Variants in WDR59 observed in about 807,000 individuals in gnomAD.
WDR59 encodes the protein GATOR2 complex protein WDR59.
Under a neutral mutation model 131.2 loss-of-function variants are expected in WDR59, and 100 were observed. That is an observed-to-expected ratio of 0.76 (90% confidence interval 0.65 to 0.90). WDR59 has a LOEUF of 0.90. WDR59 is among the 40% of genes least tolerant of loss of function. The probability of loss-of-function intolerance (pLI) is 0.00; values close to 1 mark genes in which losing one functional copy is unlikely to be tolerated. For missense variants in WDR59, 1,203 were observed against 1,262.2 expected (o/e 0.95, Z 0.71); for synonymous variants, 601 against 466.2 (o/e 1.29, Z -3.72).
rs185676043 is a variant in WDR59 at position 74,880,314 on chromosome 16, G to A, written c.2689+5339C>T. Among the ~76,000 whole-genome samples the A allele has an allele frequency of 3.4e-4, 52 of 152,174 alleles. 2 individuals are homozygous for A. The highest frequency in any genetic ancestry group is 1.2e-3 in the African/African-American group (49 of 41,526). On this transcript the variant is annotated intron_variant, in intron 25 of 25. Coordinates refer to ENST00000262144, the MANE Select transcript of WDR59 (RefSeq NM_030581.4). ...TACAAAAAATTAGCCAGGAGTGGTG[G>A]CAGGCGCCTGTAGTCCCAGTTACTC...
chr16:74,886,177 C>CAAAAAAA (rs777732079), intron 24 of WDR59, 93 bp downstream of exon 24: 55 of 1,018,760 alleles, frequency 5.4e-5, no homozygotes, highest in South Asian at 1.2e-4. Context: ...ATTCTGTGTC[C>CAAAAAAA]AAAAAAAAAA....
intron 1 of WDR59, chr16:74,984,505 G>A (rs2034547980): frequency 5.1e-6 from 1 of 194,702 alleles, no homozygotes; most frequent in South Asian, 9.1e-5. Context: ...TAACCGCGTA[G>A]ACGCTGCAAC....
intron 22 of WDR59, 49 bp downstream of exon 22, chr16:74,888,117 CAAA>C (rs35324656): frequency 0.025 from 29,319 of 1,192,126 alleles, no homozygotes; most frequent in East Asian, 0.054. Flanking sequence ...AACTCCGTCT[CAAA>C]AAAAAAAAAA....
At chr16:74,936,610 G>A (rs923829634) in intron 8 of WDR59, among the ~76,000 whole-genome samples, 1 of 152,066 alleles carries the variant, frequency 6.6e-6, no homozygotes. Context: ...CGGATCACTT[G>A]AGGTTAGGAG....
At chr16:74,942,626 G>C (rs1233265828) in intron 7 of WDR59, 112 bp downstream of exon 7, 1 of 974,962 alleles carries the variant, frequency 1.0e-6, no homozygotes, top group Non-Finnish European at 1.6e-6. Context: ...CATTTACCAT[G>C]CTGCACAGGG....
In WDR59 at chr16:74,874,053, G is replaced by T; in HGVS notation, c.*156C>A. 2 of 633,920 alleles carry T rather than the reference G, an allele frequency of 3.2e-6. No homozygotes were observed. Among genetic ancestry groups the T allele is most frequent in the East Asian group, 5.5e-5 (2 of 36,294 alleles). The allele number at this position is 633,920 out of a possible 1,614,324, so 39.3% of individuals were successfully genotyped here. On this transcript the variant is annotated 3_prime_UTR_variant, in exon 26 of 26. Coordinates refer to ENST00000262144, the MANE Select transcript of WDR59 (RefSeq NM_030581.4). ...TGGCCAAACAGAAGAGAAGGCAGAG[G>T]CCCACCAAGAGCTGATGCTGCGCAG...
intron 25 of WDR59, among the ~76,000 whole-genome samples, chr16:74,881,603 G>C (rs531414822): frequency 1.3e-5 from 2 of 152,202 alleles, no homozygotes; most frequent in Non-Finnish European, 2.9e-5. Flanking sequence ...GGCCGGGTGT[G>C]GGGGATCATG....
intron 25 of WDR59, among the ~76,000 whole-genome samples, chr16:74,881,621 T>A (rs1964485958): frequency 6.6e-6 from 1 of 152,062 alleles, no homozygotes; most frequent in Non-Finnish European, 1.5e-5. Context: ...ATGACTGTAA[T>A]CCCAGCACTT....
At chr16:74,919,133 G>A (rs1222933696) in intron 10 of WDR59, among the ~76,000 whole-genome samples, 1 of 151,986 alleles carries the variant, frequency 6.6e-6, no homozygotes, top group Non-Finnish European at 1.5e-5. Flanking sequence ...GTCCCAAGGG[G>A]CCCTTTGCTT....
chr16:74,927,587 CAAAAAAAA>C lies in WDR59; in HGVS notation c.652-3592_652-3585del, dbSNP rs370386044. ...TGGGCAATAGAGCGAGACTCCATCT[CAAAAAAAA>C]AAAAAAAAAAAAGAATTTCCAGGAA... On this transcript the variant is annotated intron_variant, in intron 8 of 25. Coordinates refer to ENST00000262144, the MANE Select transcript of WDR59 (RefSeq NM_030581.4). Among the ~76,000 whole-genome samples the C allele has an allele frequency of 7.7e-3, 447 of 57,982 alleles. 2 individuals are homozygous for C. Among genetic ancestry groups the C allele is most frequent in the Non-Finnish European group, 9.8e-3 (357 of 36,332 alleles). The allele number at this position is 57,982 out of a possible 152,430, so 38.0% of individuals were successfully genotyped here. A position where few individuals can be genotyped will look rare whatever the true frequency, so the allele number is the denominator to read the frequency against.
intron 8 of WDR59, among the ~76,000 whole-genome samples, chr16:74,932,231 T>C (rs932000027): frequency 6.6e-6 from 1 of 150,662 alleles, no homozygotes; most frequent in Non-Finnish European, 1.5e-5. Flanking sequence ...GTAGCTGGGA[T>C]GACAGGTGCA....
chr16:74,876,235 A>G (rs1964205489), intron 25 of WDR59, among the ~76,000 whole-genome samples: 2 of 152,216 alleles, frequency 1.3e-5, no homozygotes, highest in Admixed American at 6.5e-5. Context: ...GCAAATCTTG[A>G]GACAAATCAG....
chr16:74,959,349 C>T lies in WDR59; in HGVS notation c.105-2739G>A, dbSNP rs1488406894. On this transcript the variant is annotated intron_variant, in intron 2 of 25. Coordinates refer to ENST00000262144, the MANE Select transcript of WDR59 (RefSeq NM_030581.4). ...ATCCACTAACAGGGCCTGGTTCCCA[C>T]CTGATCTCCTCCACCGTCTACCCAC... 1.8e-5 allele frequency: 5 copies of T among 281,122 alleles called. No homozygotes were observed. The East Asian group carries it at 6.7e-4, about 38-fold the overall frequency. The allele number at this position is 281,122 out of a possible 1,614,324, so 17.4% of individuals were successfully genotyped here. A position where few individuals can be genotyped will look rare whatever the true frequency, so the allele number is the denominator to read the frequency against.
Position 74,909,562 on chromosome 16 carries a change from C to A in WDR59, c.1581G>T (p.Gly527=). Residue 527 remains glycine, a synonymous_variant, in exon 16 of 26, where the codon GGG becomes GGT. Coordinates refer to ENST00000262144, the MANE Select transcript of WDR59 (RefSeq NM_030581.4). ...AGGGAATGTTGGCGTCCTGGTACGA[C>A]CCGTAAGCCGTGGTCACCCGCGCAA... is the stretch of plus-strand genomic sequence containing the variant. The part of the protein sequence containing the change: ...PTFARVTTAY[G]SYQDANIPFP... 6.2e-7 allele frequency: 1 copy of A among 1,610,864 alleles called. No homozygotes were observed. Among genetic ancestry groups the A allele is most frequent in the Non-Finnish European group, 8.5e-7 (1 of 1,179,014 alleles).
intron 6 of WDR59, 94 bp from the exon 7 acceptor site, chr16:74,942,920 C>A (rs377236366): frequency 9.0e-7 from 1 of 1,109,434 alleles, no homozygotes; most frequent in Non-Finnish European, 1.3e-6. Flanking sequence ...TGAGTTCTGG[C>A]TGAATAAGCC....
chr16:74,877,238 A>G lies in WDR59; in HGVS notation c.2690-2794T>C, dbSNP rs568892460. Among the ~76,000 whole-genome samples the G allele has an allele frequency of 9.1e-5, 13 of 142,734 alleles. No homozygotes were observed. In the South Asian group the frequency reaches 1.7e-3, roughly 18 times the overall value. 93.6% of individuals were successfully genotyped at this position (142,734 alleles called of 152,430 possible). A position where few individuals can be genotyped will look rare whatever the true frequency, so the allele number is the denominator to read the frequency against. ...TTGCTGGTTTTGTGTATATCTCAAA[A>G]CACACACACACACACAAACACACAA... On this transcript the variant is annotated intron_variant, in intron 25 of 25. Transcript: ENST00000262144.
At chr16:74,965,262 T>C (rs957015376) in intron 2 of WDR59, among the ~76,000 whole-genome samples, 1 of 101,450 alleles carries the variant, frequency 9.9e-6, no homozygotes, top group African/African-American at 5.2e-5. Flanking sequence ...TGGCCCTTAA[T>C]TGCCAGTCTT....
intron 2 of WDR59, among the ~76,000 whole-genome samples, chr16:74,957,053 G>T (rs1036838516): frequency 1.3e-5 from 2 of 151,294 alleles, no homozygotes; most frequent in Non-Finnish European, 2.9e-5. Context: ...TTCAGAGAAT[G>T]AACTATGTCT....
intron 25 of WDR59, among the ~76,000 whole-genome samples, chr16:74,876,911 C>G (rs1964241954): frequency 6.6e-6 from 1 of 152,074 alleles, no homozygotes; most frequent in African/African-American, 2.4e-5. Flanking sequence ...ACCTGGCTGC[C>G]TTTGGAATAT....
Sources: allele counts gnomAD v4.1 joint callset (sites outside exome capture counted in the v4.1 genomes callset), GRCh38; gene constraint gnomAD v4.1.1; transcripts MANE v1.5; gene names NCBI Gene and HGNC (gene_info 2026-07-23, HGNC 2026-07-21).